The following SLC14A2 variants were observed in gnomAD, a reference collection of about 807,000 sequenced individuals.
The protein encoded by SLC14A2 is urea transporter 2.
Under a neutral mutation model 104.6 loss-of-function variants are expected in SLC14A2, and 91 were observed. The observed-to-expected ratio is 0.87, with a 90% CI of 0.73 to 1.04. The LOEUF (loss-of-function observed/expected upper bound fraction) is 1.04. Among genes scored for constraint, SLC14A2 ranks in the 50% least tolerant of loss-of-function variants. The pLI, the probability that SLC14A2 is intolerant of heterozygous loss-of-function variation, is 0.00. For missense variants in SLC14A2, 1,189 were observed against 1,156.0 expected (o/e 1.03, Z -0.41); for synonymous variants, 476 against 466.4 (o/e 1.02, Z -0.27).
chr18:45,672,304 C>T (rs948030466), intron 16 of SLC14A2, among the ~76,000 whole-genome samples: 4 of 152,168 alleles, frequency 2.6e-5, no homozygotes, highest in Non-Finnish European at 5.9e-5. Context: ...CCAAGGCAGG[C>T]GGATCACCTG....
Position 45,426,991 on chromosome 18 carries a change from C to A in SLC14A2, c.-124-56242C>A, listed in dbSNP as rs548642891. Among the ~76,000 whole-genome samples the A allele has an allele frequency of 7.2e-5, 11 of 152,202 alleles. No individual in the cohort carries two copies. The South Asian group carries it at 2.3e-3, about 32-fold the overall frequency. On this transcript the variant is annotated intron_variant, in intron 1 of 20. Transcript: ENST00000586448. ...CTCTTCAGATGCCAATTTTTTTCATCTTTTCTCAACATAGAGTTGGGGAAA... is the reference window on the plus strand; with the variant it reads ...CTCTTCAGATGCCAATTTTTTTCATATTTTCTCAACATAGAGTTGGGGAAA...
chr18:45,653,103 C>A (rs543560146), intron 10 of SLC14A2, among the ~76,000 whole-genome samples: 8 of 152,066 alleles, frequency 5.3e-5, no homozygotes, highest in Non-Finnish European at 1.2e-4. Context: ...GCCAACAGAC[C>A]AGCCAGCAGG....
At chr18:45,320,827 C>T (rs576970345) in intron 1 of SLC14A2, among the ~76,000 whole-genome samples, 4 of 152,332 alleles carry the variant, frequency 2.6e-5, no homozygotes, top group Non-Finnish European at 5.9e-5. Context: ...CAGGATACAT[C>T]GCTACAACAC....
chr18:45,395,433 A>G (rs760787072), intron 1 of SLC14A2, among the ~76,000 whole-genome samples: 1 of 152,148 alleles, frequency 6.6e-6, no homozygotes, highest in African/African-American at 2.4e-5. Context: ...TGGGTATAGA[A>G]TATCAGTCAT....
At chr18:45,536,303 A>C (rs921394954) in intron 2 of SLC14A2, among the ~76,000 whole-genome samples, 1 of 152,246 alleles carries the variant, frequency 6.6e-6, no homozygotes, top group African/African-American at 2.4e-5. Flanking sequence ...ACATTAACAA[A>C]GTTCCACAAA....
intron 1 of SLC14A2, among the ~76,000 whole-genome samples, chr18:45,274,229 A>G (rs1209107571): frequency 6.6e-6 from 1 of 152,158 alleles, no homozygotes; most frequent in Non-Finnish European, 1.5e-5. Context: ...ACCCATGTTG[A>G]CTTTTCCTGG....
chr18:45,213,315 G>T lies in SLC14A2; in HGVS notation c.-125+124G>T, dbSNP rs77830307. On this transcript the variant is annotated intron_variant, in intron 1 of 20. Transcript: ENST00000586448. ...AGGAATATTTTATATATTTTTTTCA[G>T]GAGAAAATATATTCTTTCTTTCAAT... 389 of 151,872 alleles carry T rather than the reference G, an allele frequency of 2.6e-3. 5 individuals carry two copies. Among genetic ancestry groups the T allele is most frequent in the African/African-American group, 8.8e-3 (364 of 41,412 alleles). The allele number at this position is 151,872 out of a possible 1,614,324, so 9.4% of individuals were successfully genotyped here. A position where few individuals can be genotyped will look rare whatever the true frequency, so the allele number is the denominator to read the frequency against.
intron 1 of SLC14A2, among the ~76,000 whole-genome samples, chr18:45,406,225 C>T (rs1270690780): frequency 6.6e-6 from 1 of 152,340 alleles, no homozygotes; most frequent in South Asian, 2.1e-4. Context: ...GTCATTTCAA[C>T]TATGTTCACA....
intron 11 of SLC14A2, among the ~76,000 whole-genome samples, chr18:45,664,841 T>C (rs1599145605): frequency 6.6e-6 from 1 of 152,144 alleles, no homozygotes; most frequent in Non-Finnish European, 1.5e-5. Flanking sequence ...TTGTCTTTGA[T>C]AGAGGTTCCC....
intron 1 of SLC14A2, among the ~76,000 whole-genome samples, chr18:45,320,318 T>C (rs1048197696): frequency 6.6e-6 from 1 of 152,194 alleles, no homozygotes; most frequent in Non-Finnish European, 1.5e-5. Context: ...TTGTACCCTT[T>C]GACCCCTAGG....
At chr18:45,644,257 T>G in intron 10 of SLC14A2, 97 bp downstream of exon 10, 1 of 1,238,142 alleles carries the variant, frequency 8.1e-7, no homozygotes, top group East Asian at 2.4e-5. Flanking sequence ...AGCACTCACC[T>G]TCTTTGCCTC....
intron 1 of SLC14A2, among the ~76,000 whole-genome samples, chr18:45,252,426 T>A (rs1010178176): frequency 6.6e-6 from 1 of 152,194 alleles, no homozygotes; most frequent in African/African-American, 2.4e-5. Context: ...TTTGCTTTGT[T>A]AAATATAGAT....
At chr18:45,308,696 T>C (rs2144209335) in intron 1 of SLC14A2, among the ~76,000 whole-genome samples, 1 of 152,304 alleles carries the variant, frequency 6.6e-6, no homozygotes, top group Middle Eastern at 3.4e-3. Context: ...TCCCTTACAG[T>C]GTGATTCCAT....
chr18:45,353,725 TGGCAG>T (rs938613720), intron 1 of SLC14A2, among the ~76,000 whole-genome samples: 1 of 152,166 alleles, frequency 6.6e-6, no homozygotes, highest in East Asian at 1.9e-4. Flanking sequence ...AGTCTGGGTG[TGGCAG>T]GCATGCATGA....
chr18:45,438,576 T>G (rs192756913), intron 1 of SLC14A2, among the ~76,000 whole-genome samples: 13 of 152,318 alleles, frequency 8.5e-5, no homozygotes, highest in Non-Finnish European at 1.6e-4. Context: ...TTAAGATGAT[T>G]TATAATAGCC....
intron 1 of SLC14A2, among the ~76,000 whole-genome samples, chr18:45,336,160 G>A (rs939514925): frequency 6.6e-5 from 10 of 152,020 alleles, no homozygotes; most frequent in African/African-American, 2.4e-4. Context: ...AAAATGAGGG[G>A]TAGCAAAGGA....
chr18:45,355,200 C>T (rs995115275), intron 1 of SLC14A2, among the ~76,000 whole-genome samples: 9 of 152,080 alleles, frequency 5.9e-5, no homozygotes, highest in African/African-American at 2.2e-4. Context: ...ATACAGTGCA[C>T]GGGGCCTGGC....
chr18:45,207,426 AAAAGAG>A, the SLC14A2 span, among the ~76,000 whole-genome samples: 1 of 151,704 alleles, frequency 6.6e-6, no homozygotes, highest in Non-Finnish European at 1.5e-5. Flanking sequence ...AGAGAAAGAA[AAAAGAG>A]AAAGAGAAAG....
intron 1 of SLC14A2, among the ~76,000 whole-genome samples, chr18:45,217,059 C>T (rs2084017343): frequency 6.6e-6 from 1 of 152,044 alleles, no homozygotes; most frequent in South Asian, 2.1e-4. Flanking sequence ...CTTGACCAAG[C>T]TTGACTTTCA....
Sources: gnomAD v4.1 joint callset for allele counts (sites outside exome capture counted in the v4.1 genomes callset) on GRCh38, gnomAD v4.1.1 for gene constraint, MANE v1.5 for transcripts, NCBI Gene and HGNC (gene_info 2026-07-23, HGNC 2026-07-21) for gene names.